The following PLCG2 variants were observed in gnomAD, a reference collection of about 807,000 sequenced individuals.
PLCG2 encodes 1-phosphatidylinositol 4,5-bisphosphate phosphodiesterase gamma-2.
PLCG2 carries 69 observed loss-of-function variants against 175.6 expected under a neutral mutation model. That is an observed-to-expected ratio of 0.39 (90% CI 0.32 to 0.48). The LOEUF is 0.48. Among genes scored for constraint, PLCG2 ranks in the 20% least tolerant of loss-of-function variants. PLCG2 has a pLI of 0.91. For synonymous variants in PLCG2, 827 were observed against 624.0 expected (o/e 1.33, Z -4.85); for missense variants, 1,798 against 1,650.9 (o/e 1.09, Z -1.54).
chr16:81,861,041 C>G (rs765409067), intron 5 of PLCG2, among the ~76,000 whole-genome samples: 1 of 151,998 alleles, frequency 6.6e-6, no homozygotes, highest in Non-Finnish European at 1.5e-5. Context: ...CAAGAAAAAA[C>G]CAAAAAAACC....
chr16:81,854,671 C>A, intron 3 of PLCG2, 84 bp downstream of exon 3: 1 of 1,214,206 alleles, frequency 8.2e-7, no homozygotes, highest in Non-Finnish European at 1.2e-6. Flanking sequence ...AATGCTCACC[C>A]CTGCCTGCTC....
intron 19 of PLCG2, among the ~76,000 whole-genome samples, chr16:81,915,286 G>A (rs1021851085): frequency 6.6e-6 from 1 of 152,190 alleles, no homozygotes; most frequent in Non-Finnish European, 1.5e-5. Flanking sequence ...CCTCTCCTGT[G>A]CCAGGCACTG....
intron 1 of PLCG2, among the ~76,000 whole-genome samples, chr16:81,755,253 G>A (rs1269025108): frequency 6.6e-6 from 1 of 151,926 alleles, no homozygotes; most frequent in East Asian, 1.9e-4. Context: ...CTGGAGTACG[G>A]TGCCGTCATC....
rs1004331940 is a variant in PLCG2, at chr16:81,911,093, A to AT, written c.1934+381dup. On this transcript the variant is annotated intron_variant, in intron 18 of 32. Transcript: ENST00000564138. ...CAATGATTATAAGAGTCTCCCGCTG[A>AT]TTTTTTTTATCTAGTGAAATGAGTA... Among the ~76,000 whole-genome samples the AT allele has an allele frequency of 3.3e-5, 5 of 152,040 alleles. No individual in the cohort carries two copies. In the East Asian group the frequency reaches 5.8e-4, roughly 18 times the overall value.
chr16:81,761,587 A>C (rs984607854), intron 2 of PLCG2, among the ~76,000 whole-genome samples: 2 of 152,104 alleles, frequency 1.3e-5, no homozygotes, highest in African/African-American at 4.8e-5. Context: ...ATTATGCCCC[A>C]GTTTCCTCCT....
upstream of PLCG2, among the ~76,000 whole-genome samples, chr16:81,776,809 C>T (rs1910419153): frequency 6.6e-6 from 1 of 152,182 alleles, no homozygotes; most frequent in African/African-American, 2.4e-5. Context: ...CCTGCCTTGG[C>T]CTCCCAAAGT....
intron 2 of PLCG2, among the ~76,000 whole-genome samples, chr16:81,809,111 A>T (rs557014725): frequency 2.0e-5 from 3 of 152,188 alleles, no homozygotes; most frequent in Non-Finnish European, 4.4e-5. Flanking sequence ...CTCTCTGAGC[A>T]TGGTGACTTG....
At chr16:81,839,564 A>G (rs1186054363) in intron 2 of PLCG2, among the ~76,000 whole-genome samples, 3 of 152,180 alleles carry the variant, frequency 2.0e-5, no homozygotes, top group Non-Finnish European at 2.9e-5. Context: ...TTATTTTAAT[A>G]TTGATTCACT....
At chr16:81,948,586 G>C (rs1265356636) in intron 31 of PLCG2, among the ~76,000 whole-genome samples, 1 of 152,190 alleles carries the variant, frequency 6.6e-6, no homozygotes, top group South Asian at 2.1e-4. Context: ...CTTTGTAGAA[G>C]ATTGCACACT....
intron 2 of PLCG2, among the ~76,000 whole-genome samples, chr16:81,829,103 T>C (rs1399548955): frequency 6.6e-6 from 1 of 152,092 alleles, no homozygotes; most frequent in African/African-American, 2.4e-5. Context: ...TAGTTAGTAG[T>C]TTTTATTTTA....
intron 13 of PLCG2, among the ~76,000 whole-genome samples, chr16:81,899,974 G>C (rs1034696789): frequency 2.6e-5 from 4 of 152,194 alleles, no homozygotes; most frequent in Non-Finnish European, 4.4e-5. Context: ...ATCAGTGTTG[G>C]TGGTGACTTT....
Position 81,921,368 on chromosome 16 carries a change from CTT to C in PLCG2, c.2307+101_2307+102del, listed in dbSNP as rs368974712. The C allele has an allele frequency of 1.9e-4, 160 of 825,564 alleles. No individual in the cohort carries two copies. In the East Asian group the frequency reaches 3.6e-3, roughly 19 times the overall value. 51.1% of individuals were successfully genotyped at this position (825,564 alleles called of 1,614,324 possible). A position where few individuals can be genotyped will look rare whatever the true frequency, so the allele number is the denominator to read the frequency against. On this transcript the variant is annotated intron_variant, in intron 21 of 32. Coordinates refer to ENST00000564138, the MANE Select transcript of PLCG2 (RefSeq NM_002661.5). The stretch of plus-strand genomic sequence containing the variant: ...GCAGTTATAACAGGGCAAGGGAAGA[CTT>C]TGGAAAACCTGGCCAAAATAATTTT...
chr16:81,935,362 C>G (rs988199020), intron 26 of PLCG2, among the ~76,000 whole-genome samples: 1 of 152,032 alleles, frequency 6.6e-6, no homozygotes, highest in African/African-American at 2.4e-5. Context: ...AAAGTCTGTT[C>G]TGCCATATAA....
intron 8 of PLCG2, 115 bp downstream of exon 8, chr16:81,881,068 C>G (rs999546845): frequency 5.8e-6 from 6 of 1,026,998 alleles, no homozygotes; most frequent in Non-Finnish European, 9.0e-6. Context: ...TCCAAAGGGG[C>G]AGGGGGCCCC....
intron 2 of PLCG2, among the ~76,000 whole-genome samples, chr16:81,828,498 A>G (rs1335122855): frequency 6.6e-6 from 1 of 152,126 alleles, no homozygotes; most frequent in East Asian, 1.9e-4. Flanking sequence ...TCGGCCTCCC[A>G]AAGTGGTGGG....
chr16:81,894,416 G>A (rs780700135), intron 12 of PLCG2, among the ~76,000 whole-genome samples: 1 of 152,182 alleles, frequency 6.6e-6, no homozygotes, highest in East Asian at 1.9e-4. Flanking sequence ...GCAACAGAGC[G>A]AGACTCTGTG....
intron 1 of PLCG2, among the ~76,000 whole-genome samples, chr16:81,745,745 C>T (rs568182058): frequency 5.3e-5 from 8 of 152,314 alleles, no homozygotes; most frequent in African/African-American, 1.7e-4. Context: ...CCTTGGCTGA[C>T]ATTAGGGTCA....
chr16:81,758,161 A>G (rs1909967865), intron 2 of PLCG2, among the ~76,000 whole-genome samples: 1 of 151,922 alleles, frequency 6.6e-6, no homozygotes, highest in Non-Finnish European at 1.5e-5. Context: ...ATTATTTTGC[A>G]GAGATGGGGT....
At chr16:81,764,443 G>C (rs564023332) in intron 2 of PLCG2, among the ~76,000 whole-genome samples, 1 of 152,178 alleles carries the variant, frequency 6.6e-6, no homozygotes, top group Non-Finnish European at 1.5e-5. Context: ...AAGAATCAGG[G>C]GATGTGTCTT....
Sources: gnomAD v4.1 joint callset for allele counts (sites outside exome capture counted in the v4.1 genomes callset) on GRCh38, gnomAD v4.1.1 for gene constraint, MANE v1.5 for transcripts, NCBI Gene and HGNC (gene_info 2026-07-23, HGNC 2026-07-21) for gene names.